The following PRSS16 variants were observed in gnomAD, a reference collection of about 807,000 sequenced individuals.
The protein encoded by PRSS16 is thymus-specific serine protease.
In PRSS16, 43 loss-of-function variants were observed where a neutral mutation model predicts 61.7. The ratio of observed to expected loss-of-function variants is 0.70; its 90% confidence interval spans 0.55 to 0.90. The LOEUF is 0.90. Ranked by LOEUF, PRSS16 falls within the 40% of genes least tolerant of loss-of-function variation. PRSS16 has a pLI of 0.00. For synonymous variants in PRSS16, 273 were observed against 285.2 expected (o/e 0.96, Z 0.43); for missense variants, 591 against 659.1 (o/e 0.90, Z 1.13).
At position 27,251,943 on chromosome 6, in the gene PRSS16, C is replaced by T. The variant is rs1227385063; in HGVS notation, c.911C>T (p.Ala304Val). 1 of 1,609,522 alleles carries T rather than the reference C, an allele frequency of 6.2e-7. No individual in the cohort carries two copies. Reference sequence around the variant, plus strand: ...GTGCAGTATGATGGGCAGACGGGAGCGCCGCTAAGCGTGCGACAGCTCTGC... The same window carrying T: ...GTGCAGTATGATGGGCAGACGGGAGTGCCGCTAAGCGTGCGACAGCTCTGC... ...GVVQYDGQTG[A>V]PLSVRQLCGL... Residue 304 changes from alanine (A) to valine (V), a missense_variant, in exon 8 of 12, where the codon GCG becomes GTG. Coordinates refer to ENST00000230582, the MANE Select transcript of PRSS16 (RefSeq NM_005865.4). This position sits in a 1 kb window ranked among gnomAD's most constrained non-coding sequence, Gnocchi z 5.6.
In PRSS16 at chr6:27,248,841, T is replaced by C. The variant is rs973325598; in HGVS notation, c.238-6T>C. On this transcript the variant is annotated splice_polypyrimidine_tract_variant and splice_region_variant and intron_variant, in intron 2 of 11. Coordinates refer to ENST00000230582, the MANE Select transcript of PRSS16 (RefSeq NM_005865.4). ...GCCATTTCTTCTTCCCCATCCCACC[T>C]CTCAGCGTTACTGGGTGAATGACCA... 3.8e-6 allele frequency: 6 copies of C among 1,586,140 alleles called. No homozygotes were observed. The highest frequency in any genetic ancestry group is 5.2e-6 in the Non-Finnish European group (6 of 1,162,056).
Position 27,247,713 on chromosome 6 carries a change from G to C in PRSS16, c.-25G>C, listed in dbSNP as rs749709119. 5.1e-6 allele frequency: 8 copies of C among 1,554,400 alleles called. No homozygotes were observed. Among genetic ancestry groups the C allele is most frequent in the South Asian group, 1.2e-5 (1 of 84,574 alleles). On this transcript the variant is annotated 5_prime_UTR_variant, in exon 1 of 12. Transcript: ENST00000230582. ...CTGAGGATAAGATAAAGGTCCTCCT[G>C]GGGGAGAACAGAGTCCCGAACACCA...
rs1283380387 is a variant in PRSS16, at chr6:27,252,001, C to T, written c.969C>T (p.Ser323=). 1 of 1,574,780 alleles carries T rather than the reference C, an allele frequency of 6.4e-7. No individual in the cohort carries two copies. Among genetic ancestry groups the T allele is most frequent in the South Asian group, 1.1e-5 (1 of 87,316 alleles). ...TCCTCGGGGGCGGGGGCAACCGCAG[C>T]CACTCCACGCCCTACTGCGGGCTTC... The part of the protein sequence containing the change: ...GLLLGGGGNR[S]HSTPYCGLRR... The change falls in exon 8 of 12, where the codon AGC becomes AGT. Residue 323 remains serine, a synonymous_variant. Coordinates refer to ENST00000230582, the MANE Select transcript of PRSS16 (RefSeq NM_005865.4). The surrounding 1 kb of genome is among the most constrained non-coding windows in gnomAD (Gnocchi z 4.2).
chr6:27,249,008 C>T lies in PRSS16; in HGVS notation c.337+62C>T, dbSNP rs567307654. ...TGGTGGGGACCAGGAAGGGGAGCTG[C>T]ATATTGCAATGCTGTGAGACCTGAG... On this transcript the variant is annotated intron_variant, in intron 3 of 11. Coordinates refer to ENST00000230582, the MANE Select transcript of PRSS16 (RefSeq NM_005865.4). The T allele has an allele frequency of 2.8e-5, 43 of 1,534,014 alleles. No homozygotes were observed. The East Asian group carries it at 3.8e-4, about 14-fold the overall frequency.
chr6:27,254,584 G>A (rs1258562113), intron 9 of PRSS16, 109 bp from the exon 10 acceptor site: 4 of 1,062,508 alleles, frequency 3.8e-6, no homozygotes, highest in South Asian at 1.5e-5. Flanking sequence ...TCCTCGAAGG[G>A]AGTATTAGAA....
Position 27,255,134 on chromosome 6 carries a change from A to G in PRSS16, c.1476+3A>G, listed in dbSNP as rs772248210. 4.3e-5 allele frequency: 69 copies of G among 1,614,016 alleles called. No individual in the cohort carries two copies. Among genetic ancestry groups the G allele is most frequent in the Non-Finnish European group, 5.6e-5 (66 of 1,180,034 alleles). On this transcript the variant is annotated splice_donor_region_variant and intron_variant, in intron 11 of 11. Coordinates refer to ENST00000230582, the MANE Select transcript of PRSS16 (RefSeq NM_005865.4). The surrounding 1 kb of genome is among the most constrained non-coding windows in gnomAD (Gnocchi z 4.4). ...CCAGCCTCCGCCTAGGGCGCCAGGT[A>G]AGAGAAAAAAGGCTCTGAATCATTT... is the stretch of plus-strand genomic sequence containing the variant.
chr6:27,251,891 G>T lies in PRSS16; in HGVS notation c.859G>T (p.Ala287Ser), dbSNP rs866968905. 1.2e-6 allele frequency: 2 copies of T among 1,613,434 alleles called. No homozygotes were observed. Among genetic ancestry groups the T allele is most frequent in the African/African-American group, 2.7e-5 (2 of 75,046 alleles). Residue 287 changes from alanine to serine, a missense_variant, in exon 8 of 12, where the codon GCG (alanine) becomes TCG (serine). Ala to Ser is a moderately conservative substitution (Grantham distance 99, BLOSUM62 1). Transcript: ENST00000230582. The surrounding 1 kb of genome is among the most constrained non-coding windows in gnomAD (Gnocchi z 5.6). Reference protein sequence around the residue: ...RAENQAELLGALQALVGGVVQ... With the variant: ...RAENQAELLGSLQALVGGVVQ... ...TGAAAACCAGGCGGAGCTGTTGGGG[G>T]CGCTGCAGGCACTGGTGGGAGGTGT...
intron 2 of PRSS16, among the ~76,000 whole-genome samples, 190 bp from the exon 3 acceptor site, chr6:27,248,657 T>C (rs1761271134): frequency 6.6e-6 from 1 of 151,884 alleles, no homozygotes; most frequent in Non-Finnish European, 1.5e-5. Flanking sequence ...AATTTGCTTT[T>C]GTATATTTTG....
Position 27,251,956 on chromosome 6 carries a change from G to A in PRSS16, c.924G>A (p.Val308=). Residue 308 remains valine, a synonymous_variant, in exon 8 of 12, where the codon GTG becomes GTA. Coordinates refer to ENST00000230582, the MANE Select transcript of PRSS16 (RefSeq NM_005865.4). This position sits in a 1 kb window ranked among gnomAD's most constrained non-coding sequence, Gnocchi z 5.6. ...GGCAGACGGGAGCGCCGCTAAGCGT[G>A]CGACAGCTCTGCGGACTTCTCCTCG... The part of the protein sequence containing the change: ...YDGQTGAPLS[V]RQLCGLLLGG... 2 of 1,608,622 alleles carry A rather than the reference G, an allele frequency of 1.2e-6. No individual in the cohort carries two copies. Among genetic ancestry groups the A allele is most frequent in the Non-Finnish European group, 1.7e-6 (2 of 1,178,094 alleles).
Position 27,252,786 on chromosome 6 carries a change from A to T in PRSS16, c.1009-22A>T. On this transcript the variant is annotated intron_variant, in intron 8 of 11. Transcript: ENST00000230582. This position sits in a 1 kb window ranked among gnomAD's most constrained non-coding sequence, Gnocchi z 4.2. ...GGAAGAGAGGAGGAATTTATGTCTT[A>T]TGTATGTACATTGTTCCCTAGATTG... The T allele has an allele frequency of 1.9e-6, 3 of 1,613,706 alleles. No homozygotes were observed. The highest frequency in any genetic ancestry group is 2.5e-6 in the Non-Finnish European group (3 of 1,179,928).
chr6:27,255,220 T>G lies in PRSS16; in HGVS notation c.1477-27T>G. On this transcript the variant is annotated intron_variant, in intron 11 of 11. Coordinates refer to ENST00000230582, the MANE Select transcript of PRSS16 (RefSeq NM_005865.4). This position sits in a 1 kb window ranked among gnomAD's most constrained non-coding sequence, Gnocchi z 4.4. ...CCTTCTGCTGGTGCTGAAATCTGAC[T>G]TTCAAATTCTTCCCACCTCCCCACA... The G allele has an allele frequency of 6.2e-7, 1 of 1,614,018 alleles. No homozygotes were observed. Among genetic ancestry groups the G allele is most frequent in the Non-Finnish European group, 8.5e-7 (1 of 1,179,928 alleles).
chr6:27,250,239 A>G (rs1213644167), intron 4 of PRSS16, among the ~76,000 whole-genome samples: 1 of 152,224 alleles, frequency 6.6e-6, no homozygotes, highest in Non-Finnish European at 1.5e-5. Flanking sequence ...GAGGAGAAAG[A>G]GGATGTTAGA....
At chr6:27,254,934 C>T (rs1316471550) in intron 10 of PRSS16, 52 bp from the exon 11 acceptor site, 3 of 1,611,640 alleles carry the variant, frequency 1.9e-6, no homozygotes, top group Non-Finnish European at 2.5e-6. Flanking sequence ...AACATAGCCT[C>T]ATCCTCTCCC....
chr6:27,254,953 T>C, intron 10 of PRSS16, 33 bp from the exon 11 acceptor site: 1 of 1,612,474 alleles, frequency 6.2e-7, no homozygotes, highest in African/African-American at 1.3e-5. Flanking sequence ...CCAGCACCCA[T>C]CTACCTAGCC....
In PRSS16 at chr6:27,255,184, G is replaced by T; in HGVS notation, c.1476+53G>T. 1.2e-6 allele frequency: 2 copies of T among 1,613,860 alleles called. No homozygotes were observed. The highest frequency in any genetic ancestry group is 1.7e-6 in the Non-Finnish European group (2 of 1,179,786). On this transcript the variant is annotated intron_variant, in intron 11 of 11. Transcript: ENST00000230582. The surrounding 1 kb of genome is among the most constrained non-coding windows in gnomAD (Gnocchi z 4.4). ...TGCATTCTCATTTGAATAATCACTT[G>T]CATGTTCCCTCCTTCTGCTGGTGCT...
chr6:27,254,677 G>T lies in PRSS16; in HGVS notation c.1151-16G>T. 1.9e-6 allele frequency: 3 copies of T among 1,598,002 alleles called. No homozygotes were observed. Among genetic ancestry groups the T allele is most frequent in the Non-Finnish European group, 2.6e-6 (3 of 1,166,062 alleles). On this transcript the variant is annotated splice_polypyrimidine_tract_variant and intron_variant, in intron 9 of 11. Transcript: ENST00000230582. ...GCTGCCTGTATACCCACACTTACAG[G>T]TATCTCCCTACACAGATGTCACCTG...
chr6:27,254,648 G>A, intron 9 of PRSS16, 45 bp from the exon 10 acceptor site: 1 of 1,507,710 alleles, frequency 6.6e-7, no homozygotes, highest in South Asian at 1.2e-5. Flanking sequence ...AAGGAGAGTG[G>A]TGGGCTGCCT....
rs958380012 is a variant in PRSS16 at position 27,256,249 on chromosome 6, A to T, written c.*934A>T. On this transcript the variant is annotated 3_prime_UTR_variant, in exon 12 of 12. Coordinates refer to ENST00000230582, the MANE Select transcript of PRSS16 (RefSeq NM_005865.4). ...CACTCACCATCTTTTCCCACAATCA[A>T]ATATCACTCCCTGGTACTTCCAGCT... is the stretch of plus-strand genomic sequence containing the variant. The T allele has an allele frequency of 6.6e-6, 1 of 152,630 alleles. No homozygotes were observed. The highest frequency in any genetic ancestry group is 2.4e-5 in the African/African-American group (1 of 41,408). 9.5% of individuals were successfully genotyped at this position (152,630 alleles called of 1,614,324 possible). A position where few individuals can be genotyped will look rare whatever the true frequency, so the allele number is the denominator to read the frequency against.
rs141138864 is a variant in PRSS16, at chr6:27,255,285, AAAGGAGAGCCAGATT to A, written c.1520_1534del (p.Glu507_Lys511del). On this transcript the variant is annotated inframe_deletion, in exon 12 of 12. Coordinates refer to ENST00000230582, the MANE Select transcript of PRSS16 (RefSeq NM_005865.4). This position sits in a 1 kb window ranked among gnomAD's most constrained non-coding sequence, Gnocchi z 4.4. ...AGCTACAGACCTGGCTCAAGCTGGC[AAAGGAGAGCCAGATT>A]AAGGGTGAAGTCTGAATCTCATACC... The A allele has an allele frequency of 0.18, 282,862 of 1,608,786 alleles. 27,389 individuals are homozygous for A. The highest frequency in any genetic ancestry group is 0.2 in the Non-Finnish European group (236,375 of 1,175,972).
Sources: allele counts gnomAD v4.1 joint callset (sites outside exome capture counted in the v4.1 genomes callset), GRCh38; gene constraint gnomAD v4.1.1; non-coding constraint Gnocchi (gnomAD v3.1); transcripts MANE v1.5; gene names NCBI Gene and HGNC (gene_info 2026-07-23, HGNC 2026-07-21).